COG5: variants seen among roughly 807,000 people sequenced by gnomAD.
COG5 encodes the protein component of oligomeric golgi complex 5, also known as conserved oligomeric Golgi complex subunit 5.
COG5 carries 86 observed loss-of-function variants against 110.4 expected under a neutral mutation model. That is an observed-to-expected ratio of 0.78 (90% CI 0.65 to 0.93). The LOEUF is 0.93. Among genes scored for constraint, COG5 ranks in the 40% least tolerant of loss-of-function variants. The probability of loss-of-function intolerance (pLI) is 0.00; values close to 1 mark genes in which losing one functional copy is unlikely to be tolerated. For missense variants in COG5, 1,077 were observed against 987.0 expected (o/e 1.09, Z -1.22); for synonymous variants, 360 against 334.6 (o/e 1.08, Z -0.83).
At chr7:107,295,830 C>T (rs1043807345) in intron 12 of COG5, among the ~76,000 whole-genome samples, 2 of 152,144 alleles carry the variant, frequency 1.3e-5, no homozygotes, top group African/African-American at 4.8e-5. Flanking sequence ...CTTGCTTTGT[C>T]ACCCAGACTG....
At chr7:107,282,141 T>C (rs1472277545) in intron 13 of COG5, among the ~76,000 whole-genome samples, 5 of 152,136 alleles carry the variant, frequency 3.3e-5, no homozygotes, top group Non-Finnish European at 5.9e-5. Flanking sequence ...TCTTACCAGA[T>C]TCTCTTTTTA....
intron 5 of COG5, among the ~76,000 whole-genome samples, chr7:107,535,093 C>T (rs1222492100): frequency 6.6e-6 from 1 of 151,442 alleles, no homozygotes; most frequent in African/African-American, 2.4e-5. Context: ...AAAATTAAGG[C>T]AGAAATAAAT....
chr7:107,409,966 T>A (rs552736427), intron 7 of COG5, among the ~76,000 whole-genome samples: 5 of 152,344 alleles, frequency 3.3e-5, no homozygotes, highest in Non-Finnish European at 5.9e-5. Flanking sequence ...CCCAGCTGCA[T>A]CTAAGAATCA....
rs6963190 is a variant in COG5 at position 107,209,736 on chromosome 7, C to T, written c.2375+790G>A. 4,801 of 824,594 alleles carry T rather than the reference C, an allele frequency of 5.8e-3. 144 individuals carry two copies. In the African/African-American group the frequency reaches 0.068, roughly 12 times the overall value. 51.1% of individuals were successfully genotyped at this position (824,594 alleles called of 1,614,324 possible). On this transcript the variant is annotated intron_variant, in intron 21 of 21. Transcript: ENST00000297135. ...CATATCTCGGCTTACTTCGTATCCT[C>T]GGTTCCTGGCCCAGGGCCTACCATG...
chr7:107,214,270 C>T (rs1481222392), intron 19 of COG5, among the ~76,000 whole-genome samples: 1 of 152,024 alleles, frequency 6.6e-6, no homozygotes, highest in East Asian at 1.9e-4. Flanking sequence ...TTGTTACATA[C>T]AAAGAACTTG....
At chr7:107,403,034 C>G (rs905425254) in intron 7 of COG5, among the ~76,000 whole-genome samples, 2 of 151,982 alleles carry the variant, frequency 1.3e-5, no homozygotes, top group African/African-American at 4.8e-5. Context: ...TTTTATAATA[C>G]TACAAAGCTA....
intron 12 of COG5, among the ~76,000 whole-genome samples, chr7:107,296,760 A>G (rs1806786495): frequency 6.6e-6 from 1 of 152,078 alleles, no homozygotes; most frequent in Non-Finnish European, 1.5e-5. Flanking sequence ...GCTTCTAACT[A>G]TACTGGACAC....
chr7:107,238,942 T>C (rs1801411719), intron 17 of COG5, among the ~76,000 whole-genome samples: 1 of 152,222 alleles, frequency 6.6e-6, no homozygotes. Context: ...CCATAGGTTG[T>C]CACTCCACTT....
At chr7:107,487,340 C>T (rs1485191589) in intron 6 of COG5, among the ~76,000 whole-genome samples, 5 of 152,026 alleles carry the variant, frequency 3.3e-5, no homozygotes, top group Non-Finnish European at 7.4e-5. Flanking sequence ...AACTAATATA[C>T]CAATGTTCAT....
chr7:107,481,564 T>C (rs1036965877), intron 6 of COG5, among the ~76,000 whole-genome samples: 1 of 152,060 alleles, frequency 6.6e-6, no homozygotes, highest in Non-Finnish European at 1.5e-5. Flanking sequence ...CTGAGTACAC[T>C]GGTTGGGTAT....
intron 6 of COG5, among the ~76,000 whole-genome samples, chr7:107,414,117 C>A (rs965886588): frequency 1.3e-5 from 2 of 152,110 alleles, no homozygotes; most frequent in African/African-American, 2.4e-5. Context: ...TATAACTGTT[C>A]AAAAAATTTG....
intron 6 of COG5, among the ~76,000 whole-genome samples, chr7:107,464,122 G>A (rs1796162773): frequency 6.6e-6 from 1 of 152,116 alleles, no homozygotes; most frequent in South Asian, 2.1e-4. Flanking sequence ...AGTCCACAAA[G>A]TAAAAGAGCA....
chr7:107,310,296 A>C (rs560859431), intron 11 of COG5, among the ~76,000 whole-genome samples: 1 of 152,256 alleles, frequency 6.6e-6, no homozygotes, highest in African/African-American at 2.4e-5. Context: ...TAAAGCCACA[A>C]CCATGGCTCA....
At chr7:107,472,124 G>A (rs1277668257) in intron 6 of COG5, 1 of 151,982 alleles carries the variant, frequency 6.6e-6, no homozygotes, top group Non-Finnish European at 1.5e-5. Context: ...CCTATCATCT[G>A]AGGAAATTCC....
rs532216385 is a variant in COG5 at position 107,300,381 on chromosome 7, A to G, written c.1109-2035T>C. ...TAAGACATTCAGACTGGAAAGGCACACAGTCTTTTTAGAAAGATAATATAC... is the reference window on the plus strand; with the variant it reads ...TAAGACATTCAGACTGGAAAGGCACGCAGTCTTTTTAGAAAGATAATATAC... On this transcript the variant is annotated intron_variant, in intron 11 of 21. Transcript: ENST00000297135. Among the ~76,000 whole-genome samples the G allele has an allele frequency of 1.2e-4, 18 of 152,242 alleles. No individual in the cohort carries two copies. The East Asian group carries it at 1.7e-3, about 15-fold the overall frequency.
In COG5 at chr7:107,223,979, A is replaced by C. The variant is rs367679249; in HGVS notation, c.2168+6636T>G. On this transcript the variant is annotated intron_variant, in intron 19 of 21. Coordinates refer to ENST00000297135, the MANE Select transcript of COG5 (RefSeq NM_006348.5). ...AAAAATGATGATAAACTAAATATTCAACTCTTCATGTTTACCTGGGTGCGC... is the reference window on the plus strand; with the variant it reads ...AAAAATGATGATAAACTAAATATTCCACTCTTCATGTTTACCTGGGTGCGC... Among the ~76,000 whole-genome samples the C allele has an allele frequency of 5.9e-5, 9 of 152,384 alleles. No homozygotes were observed. In the East Asian group the frequency reaches 7.7e-4, roughly 13 times the overall value.
intron 10 of COG5, among the ~76,000 whole-genome samples, chr7:107,330,119 T>C (rs61342054): frequency 0.013 from 2,022 of 152,344 alleles, 52 homozygotes; most frequent in African/African-American, 0.045. Flanking sequence ...GATCTATTTA[T>C]AACTGACTCC....
chr7:107,516,193 T>C (rs747387880), intron 6 of COG5, among the ~76,000 whole-genome samples: 1 of 152,204 alleles, frequency 6.6e-6, no homozygotes, highest in Non-Finnish European at 1.5e-5. Context: ...AATAAGATAA[T>C]AGTATACTTT....
chr7:107,397,182 C>A lies in COG5; in HGVS notation c.669+15320G>T, dbSNP rs144561658. ...AAATCTGGCCAGTGAGACATAAGGA[C>A]ATGTTGGCTTAGGCAATTTGGGGAA... On this transcript the variant is annotated intron_variant, in intron 7 of 21. Coordinates refer to ENST00000297135, the MANE Select transcript of COG5 (RefSeq NM_006348.5). Among the ~76,000 whole-genome samples, 3 of 152,180 alleles carry A rather than the reference C, an allele frequency of 2.0e-5. No homozygotes were observed. The South Asian group carries it at 6.2e-4, about 32-fold the overall frequency.
Sources: gnomAD v4.1 joint callset for allele counts (sites outside exome capture counted in the v4.1 genomes callset) on GRCh38, gnomAD v4.1.1 for gene constraint, MANE v1.5 for transcripts, NCBI Gene and HGNC (gene_info 2026-07-23, HGNC 2026-07-21) for gene names.